COL6A5: variants seen among roughly 807,000 people sequenced by gnomAD.
The protein encoded by COL6A5 is collagen type VI alpha 5 chain.
Under a neutral mutation model 65.6 loss-of-function variants are expected in COL6A5, and 48 were observed. That is an observed-to-expected ratio of 0.73 (90% CI 0.58 to 0.93). The LOEUF is 0.93. COL6A5 is among the 40% of genes least tolerant of loss of function. The pLI, the probability that COL6A5 is intolerant of heterozygous loss-of-function variation, is 0.00. For synonymous variants in COL6A5, 291 were observed against 322.8 expected, an observed-to-expected ratio of 0.90 and a Z score of 1.05; for missense variants, 914 against 928.3, an observed-to-expected ratio of 0.98 and a Z score of 0.20.
At chr3:130,418,898 G>T (rs1027115946) in exon 25 of COL6A5, 1 of 1,550,656 alleles carries the variant, frequency 6.4e-7, no homozygotes, top group African/African-American at 1.4e-5. Flanking sequence ...GAGATCTAGG[G>T]CCAGTGGGGC....
chr3:130,422,751 G>C lies in COL6A5; in HGVS notation c.5069G>C (p.Gly1690Ala), dbSNP rs1184136584. 2.6e-6 allele frequency: 4 copies of C among 1,526,872 alleles called. No individual in the cohort carries two copies. Among genetic ancestry groups the C allele is most frequent in the Non-Finnish European group, 3.5e-6 (4 of 1,134,064 alleles). 94.6% of individuals were successfully genotyped at this position (1,526,872 alleles called of 1,614,324 possible). Residue 1690 changes from glycine (G) to alanine (A), a missense_variant and NMD_transcript_variant, in exon 28 of 42, where the codon GGA becomes GCA. By Grantham distance (60) the Gly-to-Ala change is moderately conservative. Transcript: ENST00000312481. ...ATTGGTAATCCTGGAATTCCTGGGG[G>C]ACCTGGACCCAAAGGATTTAGGGGA... is the stretch of plus-strand genomic sequence containing the variant.
chr3:130,465,519 A>G (rs970413699), intron 5 of COL6A5, among the ~76,000 whole-genome samples: 2 of 152,080 alleles, frequency 1.3e-5, no homozygotes, highest in Admixed American at 1.3e-4. Flanking sequence ...GTAATAGGAA[A>G]TAATTAGCCC....
intron 7 of COL6A5, among the ~76,000 whole-genome samples, chr3:130,394,043 C>G (rs1936502687): frequency 6.6e-6 from 1 of 152,154 alleles, no homozygotes; most frequent in Non-Finnish European, 1.5e-5. Flanking sequence ...CCTACTGTCT[C>G]AATTACCTTT....
chr3:130,415,766 C>CA (rs1171855654), intron 23 of COL6A5, 59 bp downstream of exon 23: 4 of 1,345,680 alleles, frequency 3.0e-6, no homozygotes, highest in Non-Finnish European at 4.0e-6. Flanking sequence ...CCTCTTAGTG[C>CA]AAAAAAATCT....
At chr3:130,481,458 G>C (rs771380273) in intron 7 of COL6A5, among the ~76,000 whole-genome samples, 3 of 152,066 alleles carry the variant, frequency 2.0e-5, no homozygotes, top group Non-Finnish European at 4.4e-5. Flanking sequence ...ATGGGCATTT[G>C]GGTTGCTTCC....
intron 2 of COL6A5, among the ~76,000 whole-genome samples, chr3:130,375,156 C>T (rs1935718275): frequency 6.6e-6 from 1 of 152,190 alleles, no homozygotes; most frequent in African/African-American, 2.4e-5. Context: ...GATGCACCCA[C>T]CTCCCAGCTA....
chr3:130,416,235 C>G (rs896939361), intron 23 of COL6A5, among the ~76,000 whole-genome samples: 2 of 152,100 alleles, frequency 1.3e-5, no homozygotes, highest in African/African-American at 4.8e-5. Context: ...CAGTTCTGCT[C>G]AGACGGTGAG....
At chr3:130,448,307 G>A (rs1709351824) in intron 4 of COL6A5, among the ~76,000 whole-genome samples, 2 of 152,110 alleles carry the variant, frequency 1.3e-5, no homozygotes, top group African/African-American at 2.4e-5. Flanking sequence ...TTTCCTCTAC[G>A]AATTCCAGTT....
exon 4 of COL6A5, chr3:130,443,550 C>A: frequency 6.2e-7 from 1 of 1,607,768 alleles, no homozygotes; most frequent in South Asian, 1.1e-5. Context: ...AGAGAATATT[C>A]AAAATGATGG....
chr3:130,368,247 G>T (rs1005255742), intron 1 of COL6A5, among the ~76,000 whole-genome samples: 2 of 152,184 alleles, frequency 1.3e-5, no homozygotes, highest in Non-Finnish European at 2.9e-5. Context: ...TGCTTCCCAT[G>T]CATAGATCCT....
Position 130,398,127 on chromosome 3 carries a change from TG to T in COL6A5, c.3991+17del, listed in dbSNP as rs1186860968. Reference sequence around the variant, plus strand: ...AGAGAAGCAGGTATTGAGTTGTTGTTGTTTTTTTTTTTTTTTTTTTTGAGAT... The same window carrying T: ...AGAGAAGCAGGTATTGAGTTGTTGTTTTTTTTTTTTTTTTTTTTTTGAGAT... On this transcript the variant is annotated intron_variant and NMD_transcript_variant, in intron 10 of 41. Coordinates refer to the COL6A5 transcript ENST00000312481. 7.9e-4 allele frequency: 1,095 copies of T among 1,378,310 alleles called. 11 individuals carry two copies. The African/African-American group carries it at 8.3e-3, about 10-fold the overall frequency. The allele number at this position is 1,378,310 out of a possible 1,614,324, so 85.4% of individuals were successfully genotyped here. A position where few individuals can be genotyped will look rare whatever the true frequency, so the allele number is the denominator to read the frequency against.
chr3:130,379,733 A>G (rs1935924122), exon 4 of COL6A5: 1 of 1,551,434 alleles, frequency 6.4e-7, no homozygotes, highest in East Asian at 2.4e-5. Flanking sequence ...GGCTTCTCAG[A>G]GTCATATGGC....
At chr3:130,444,112 ATGGCTGTT>A (rs1432052370) in intron 4 of COL6A5, among the ~76,000 whole-genome samples, 1 of 152,208 alleles carries the variant, frequency 6.6e-6, no homozygotes, top group Non-Finnish European at 1.5e-5. Context: ...GAAGAGAAAT[ATGGCTGTT>A]TTCCACCCGG....
intron 1 of COL6A5, among the ~76,000 whole-genome samples, chr3:130,364,204 G>GA (rs746527237): frequency 4.6e-5 from 7 of 152,046 alleles, no homozygotes; most frequent in Non-Finnish European, 7.4e-5. Context: ...CTTTACTTCA[G>GA]AAAAATAATT....
Position 130,387,391 on chromosome 3 carries a change from A to C in COL6A5, c.1862-1189A>C, listed in dbSNP as rs115755750. On this transcript the variant is annotated intron_variant and NMD_transcript_variant, in intron 5 of 41. Coordinates refer to the COL6A5 transcript ENST00000312481. ...CTGTCACAAATAGATACCAGGAAGT[A>C]GATCCTGTGAATACTAAACTGTATG... Among the ~76,000 whole-genome samples, 606 of 152,258 alleles carry C rather than the reference A, an allele frequency of 4.0e-3. 7 individuals are homozygous for C. The highest frequency in any genetic ancestry group is 0.014 in the African/African-American group (583 of 41,566).
rs1175032817 is a variant in COL6A5, at chr3:130,406,324, A to G, written c.4479+3A>G. On this transcript the variant is annotated splice_donor_region_variant and intron_variant and NMD_transcript_variant, in intron 17 of 41. Transcript: ENST00000312481. ...AAAAAGGTGATCCAGGATCTCAGGTAACACTTTTCTTTTCAATACTTCAAA... is the reference window on the plus strand; with the variant it reads ...AAAAAGGTGATCCAGGATCTCAGGTGACACTTTTCTTTTCAATACTTCAAA... 1 of 1,546,940 alleles carries G rather than the reference A, an allele frequency of 6.5e-7. No homozygotes were observed. The highest frequency in any genetic ancestry group is 2.0e-5 in the Admixed American group (1 of 50,992).
chr3:130,345,843 G>A (rs1319243395), exon 1 of COL6A5: 4 of 397,640 alleles, frequency 1.0e-5, no homozygotes, highest in African/African-American at 8.3e-5. Context: ...CAGGGCTTCC[G>A]GCGCGCGCTC....
exon 12 of COL6A5, chr3:130,401,784 G>T: frequency 6.4e-7 from 1 of 1,551,446 alleles, no homozygotes; most frequent in East Asian, 2.4e-5. Context: ...GAGAGGACTT[G>T]CTGCTGTACA....
intron 7 of COL6A5, 53 bp from the exon 8 acceptor site, chr3:130,394,836 GA>G (rs1936536428): frequency 7.2e-7 from 1 of 1,393,090 alleles, no homozygotes; most frequent in South Asian, 1.3e-5. Flanking sequence ...ATGAGGAAAG[GA>G]AAAATTTCGA....
Sources: allele counts gnomAD v4.1 joint callset (sites outside exome capture counted in the v4.1 genomes callset), GRCh38; gene constraint gnomAD v4.1.1; transcripts MANE v1.5; gene names NCBI Gene and HGNC (gene_info 2026-07-23, HGNC 2026-07-21).